SPTBN4: variants seen among roughly 807,000 people sequenced by gnomAD.
The protein encoded by SPTBN4 is spectrin beta chain, non-erythrocytic 4.
A neutral mutation model predicts 277.8 loss-of-function variants in SPTBN4; 96 were observed. That is an observed-to-expected ratio of 0.35 (90% CI 0.29 to 0.41). The LOEUF (loss-of-function observed/expected upper bound fraction) is 0.41. Ranked by LOEUF, SPTBN4 falls within the 10% of genes least tolerant of loss-of-function variation. SPTBN4 has a pLI of 1.00. For synonymous variants in SPTBN4, 1,481 were observed against 1,580.3 expected (o/e 0.94, Z 1.49); for missense variants, 3,006 against 3,595.7 (o/e 0.84, Z 4.19).
At chr19:40,491,476 T>C (rs1484863055) in intron 4 of SPTBN4, among the ~76,000 whole-genome samples, 1 of 151,748 alleles carries the variant, frequency 6.6e-6, no homozygotes, top group Non-Finnish European at 1.5e-5. Flanking sequence ...GCATGGCGGC[T>C]CATGCCCATA....
At chr19:40,558,069 G>A (rs1455373266) in intron 26 of SPTBN4, among the ~76,000 whole-genome samples, 1 of 151,792 alleles carries the variant, frequency 6.6e-6, no homozygotes, top group Non-Finnish European at 1.5e-5. Flanking sequence ...GAAATTAGAC[G>A]ACAGACAAGG....
Position 40,549,408 on chromosome 19 carries a change from G to A in SPTBN4, c.4579G>A (p.Glu1527Lys), listed in dbSNP as rs952438988. 1.3e-6 allele frequency: 2 copies of A among 1,491,626 alleles called. No individual in the cohort carries two copies. The highest frequency in any genetic ancestry group is 5.2e-5 in the East Asian group (2 of 38,688). 92.4% of individuals were successfully genotyped at this position (1,491,626 alleles called of 1,614,324 possible). Reference protein sequence around the residue: ...LHQVAHDLDDELAWVQERLPL... With the variant: ...LHQVAHDLDDKLAWVQERLPL... Reference sequence around the variant, plus strand: ...CCAGGTGGCGCACGACCTGGACGACGAGCTGGTGAGGCCAGCGCAGGGGCC... The same window carrying A: ...CCAGGTGGCGCACGACCTGGACGACAAGCTGGTGAGGCCAGCGCAGGGGCC... The change falls in exon 21 of 36, where the codon GAG (glutamate) becomes AAG (lysine). Residue 1527 changes from glutamate (E) to lysine (K), a missense_variant. Coordinates refer to ENST00000598249, the MANE Select transcript of SPTBN4 (RefSeq NM_020971.3).
At chr19:40,562,617 T>C (rs926864373) in intron 27 of SPTBN4, among the ~76,000 whole-genome samples, 1 of 150,574 alleles carries the variant, frequency 6.6e-6, no homozygotes, top group South Asian at 2.1e-4. Flanking sequence ...GGTGGATCAC[T>C]TGAGGTCGGG....
At chr19:40,468,528 C>T (rs2079851659) in intron 1 of SPTBN4, among the ~76,000 whole-genome samples, 1 of 152,128 alleles carries the variant, frequency 6.6e-6, no homozygotes, top group African/African-American at 2.4e-5. Context: ...AGACACGTGC[C>T]ACCACGCCTG....
intron 16 of SPTBN4, among the ~76,000 whole-genome samples, chr19:40,523,085 G>A (rs1461470117): frequency 6.6e-6 from 1 of 152,160 alleles, no homozygotes; most frequent in Non-Finnish European, 1.5e-5. Context: ...AGTGAGCCGG[G>A]ATTGCACCAC....
Position 40,544,440 on chromosome 19 carries a change from C to CTTTTTTTTTTTTTTTT in SPTBN4, c.4360-4740_4360-4725dup. On this transcript the variant is annotated intron_variant, in intron 20 of 35. Transcript: ENST00000598249. ...TACAGGCATGAGCCATTGTGCCCGGCTTTTTTTTTTTTTTTTTTTTTTTTG... is the reference window on the plus strand; with the variant it reads ...TACAGGCATGAGCCATTGTGCCCGGCTTTTTTTTTTTTTTTTTTTTTTTTTTTTTTTTTTTTTTTTG... Among the ~76,000 whole-genome samples, 2 of 51,746 alleles carry CTTTTTTTTTTTTTTTT rather than the reference C, an allele frequency of 3.9e-5. 1 individual carries two copies. The highest frequency in any genetic ancestry group is 6.6e-5 in the Non-Finnish European group (2 of 30,300). The allele number at this position is 51,746 out of a possible 152,430, so 33.9% of individuals were successfully genotyped here.
intron 16 of SPTBN4, among the ~76,000 whole-genome samples, chr19:40,523,171 T>C (rs1034002776): frequency 6.6e-6 from 1 of 151,908 alleles, no homozygotes; most frequent in Non-Finnish European, 1.5e-5. Context: ...AGGAGGGTAG[T>C]GGGATAGGGC....
chr19:40,547,418 C>G (rs2145920860), intron 20 of SPTBN4, among the ~76,000 whole-genome samples: 1 of 152,254 alleles, frequency 6.6e-6, no homozygotes, highest in South Asian at 2.1e-4. Context: ...TTTTCTTAAT[C>G]CAGTCTATCA....
At chr19:40,496,634 A>G (rs2080200153) in intron 6 of SPTBN4, among the ~76,000 whole-genome samples, 1 of 152,174 alleles carries the variant, frequency 6.6e-6, no homozygotes, top group Admixed American at 6.6e-5. Flanking sequence ...GCACAGAGAA[A>G]CGCAGTAGCT....
chr19:40,557,977 CTG>C (rs1377622076), intron 26 of SPTBN4, among the ~76,000 whole-genome samples: 1 of 138,334 alleles, frequency 7.2e-6, no homozygotes, highest in African/African-American at 2.7e-5. Flanking sequence ...TCTCCTAAAA[CTG>C]TGAGTTTTGC....
Position 40,568,184 on chromosome 19 carries a change from T to C in SPTBN4, c.6858T>C (p.Tyr2286=), listed in dbSNP as rs2145955843. 6.3e-7 allele frequency: 1 copy of C among 1,593,510 alleles called. No individual in the cohort carries two copies. Among genetic ancestry groups the C allele is most frequent in the Non-Finnish European group, 8.5e-7 (1 of 1,170,470 alleles). ...EAAHSLTLGR[Y]EQMERRRERR... ...CACACAGCCTTACCCTGGGCCGCTA[T>C]GAGCAGATGGAGCGGCGGCGCGAGC... Residue 2286 remains tyrosine, a synonymous_variant, in exon 31 of 36, where the codon TAT becomes TAC. Coordinates refer to ENST00000598249, the MANE Select transcript of SPTBN4 (RefSeq NM_020971.3).
intron 22 of SPTBN4, among the ~76,000 whole-genome samples, chr19:40,550,681 T>G (rs2080908597): frequency 1.3e-5 from 2 of 151,736 alleles, no homozygotes; most frequent in Admixed American, 1.3e-4. Context: ...TTTTGTATTT[T>G]TAGTAGAGAT....
intron 33 of SPTBN4, chr19:40,571,771 C>G: frequency 5.1e-6 from 2 of 391,446 alleles, no homozygotes; most frequent in Non-Finnish European, 9.1e-6. Flanking sequence ...TCAGGAAATT[C>G]AGTATGGGAG....
Position 40,560,600 on chromosome 19 carries a change from T to A in SPTBN4, c.5915+197T>A, listed in dbSNP as rs2081033101. On this transcript the variant is annotated intron_variant, in intron 27 of 35. Transcript: ENST00000598249. The surrounding 1 kb of genome is among the most constrained non-coding windows in gnomAD (Gnocchi z 5.2). Reference sequence around the variant, plus strand: ...TTAGGCCTGTCATTGGGGACTTCGGTCATGGGGCATCCTTCTGTCCGCTGT... The same window carrying A: ...TTAGGCCTGTCATTGGGGACTTCGGACATGGGGCATCCTTCTGTCCGCTGT... 1 of 1,448,122 alleles carries A rather than the reference T, an allele frequency of 6.9e-7. No homozygotes were observed. Among genetic ancestry groups the A allele is most frequent in the Non-Finnish European group, 9.1e-7 (1 of 1,104,336 alleles). The allele number at this position is 1,448,122 out of a possible 1,614,324, so 89.7% of individuals were successfully genotyped here. A position where few individuals can be genotyped will look rare whatever the true frequency, so the allele number is the denominator to read the frequency against.
In SPTBN4 at chr19:40,497,619, G is replaced by A. The variant is rs778665513; in HGVS notation, c.784+15G>A. 50 of 1,609,148 alleles carry A rather than the reference G, an allele frequency of 3.1e-5. 1 individual carries two copies. The South Asian group carries it at 4.9e-4, about 16-fold the overall frequency. On this transcript the variant is annotated intron_variant, in intron 7 of 35. Transcript: ENST00000598249. ...GGATCCTGAAGGTGAGCCTCTCGCG[G>A]GCCCAGCCCAGACTTCGTCTTGGGG...
chr19:40,492,421 G>A (rs1259686557), intron 4 of SPTBN4, among the ~76,000 whole-genome samples: 1 of 152,180 alleles, frequency 6.6e-6, no homozygotes, highest in Non-Finnish European at 1.5e-5. Flanking sequence ...AAGGACCAAG[G>A]AGGGAGGATG....
Position 40,557,025 on chromosome 19 carries a change from G to A in SPTBN4, c.5292G>A (p.Val1764=). 1 of 1,522,362 alleles carries A rather than the reference G, an allele frequency of 6.6e-7. No individual in the cohort carries two copies. The highest frequency in any genetic ancestry group is 8.9e-7 in the Non-Finnish European group (1 of 1,128,048). 94.3% of individuals were successfully genotyped at this position (1,522,362 alleles called of 1,614,324 possible). ...ELGQDFEHVS[V]LQEKFSEFAS... is the part of the protein sequence containing the mutation. Reference sequence around the variant, plus strand: ...CCCCCCCCACTTCCTGATGGCAGGTGCTGCAGGAGAAATTCTCAGAGTTTG... The same window carrying A: ...CCCCCCCCACTTCCTGATGGCAGGTACTGCAGGAGAAATTCTCAGAGTTTG... Residue 1764 remains valine, a splice_region_variant and synonymous_variant, in exon 26 of 36, where the codon GTG becomes GTA. Coordinates refer to ENST00000598249, the MANE Select transcript of SPTBN4 (RefSeq NM_020971.3).
intron 13 of SPTBN4, among the ~76,000 whole-genome samples, chr19:40,508,190 G>A (rs1481824179): frequency 6.6e-6 from 1 of 152,216 alleles, no homozygotes; most frequent in Admixed American, 6.5e-5. Context: ...TGAAAAAGAG[G>A]AGAGAGGGAC....
chr19:40,512,053 G>A (rs2080396847), intron 13 of SPTBN4, among the ~76,000 whole-genome samples: 1 of 152,176 alleles, frequency 6.6e-6, no homozygotes, highest in South Asian at 2.1e-4. Context: ...AAACCTGGAG[G>A]TGGAGGTTGC....
Sources: allele counts gnomAD v4.1 joint callset (sites outside exome capture counted in the v4.1 genomes callset), GRCh38; gene constraint gnomAD v4.1.1; non-coding constraint Gnocchi (gnomAD v3.1); transcripts MANE v1.5; gene names NCBI Gene and HGNC (gene_info 2026-07-23, HGNC 2026-07-21).